Variants in ASMT observed in about 807,000 individuals in gnomAD.
ASMT encodes the protein acetylserotonin N-methyltransferase.
In ASMT, 53 loss-of-function variants were observed where a neutral mutation model predicts 41.3. That is an observed-to-expected ratio of 1.28 (90% CI 1.03 to 1.61). The LOEUF is 1.61. ASMT is among the 40% of genes most tolerant of loss of function. The probability of loss-of-function intolerance (pLI) is 0.00; values close to 1 mark genes in which losing one functional copy is unlikely to be tolerated. For missense variants in ASMT, 531 were observed against 441.3 expected (o/e 1.20, Z -1.82); for synonymous variants, 231 against 184.8 (o/e 1.25, Z -2.03).
chrX:1,631,101 AGACGGG>A (rs1484362285), intron 5 of ASMT, among the ~76,000 whole-genome samples: 1 of 150,082 alleles, frequency 6.7e-6, no homozygotes, highest in Non-Finnish European at 1.5e-5. Flanking sequence ...TTTTTAGTAG[AGACGGG>A]GTTTCTCCGT....
At chrX:1,618,578 G>A (rs1934222397) in intron 1 of ASMT, among the ~76,000 whole-genome samples, 1 of 151,134 alleles carries the variant, frequency 6.6e-6, no homozygotes, top group Non-Finnish European at 1.5e-5. Context: ...AGGATGACGG[G>A]CGTGAGCCAC....
chrX:1,627,655 A>AAATGAAAT, intron 3 of ASMT, 48 bp from the exon 4 acceptor site: 1 of 1,388,054 alleles, frequency 7.2e-7, no homozygotes, highest in Non-Finnish European at 1.0e-6. Flanking sequence ...AAATGAAATG[A>AAATGAAAT]AATGAAATGA....
chrX:1,634,661 C>CG (rs1169472157), intron 7 of ASMT, among the ~76,000 whole-genome samples: 33 of 150,590 alleles, frequency 2.2e-4, no homozygotes, highest in African/African-American at 8.0e-4. Flanking sequence ...TAACCCCCCC[C>CG]CTTTTTTTTT....
rs112830816 is a variant in ASMT at position 1,628,037 on chromosome X, C to T, written c.443+266C>T. Reference sequence around the variant, plus strand: ...AGTGTTTATGTAGAAAATGGAGGCACGCGCCGGGCGCGGTGGCTCACGCCT... The same window carrying T: ...AGTGTTTATGTAGAAAATGGAGGCATGCGCCGGGCGCGGTGGCTCACGCCT... On this transcript the variant is annotated intron_variant, in intron 4 of 8. Transcript: ENST00000381241. 1.6e-3 allele frequency: 858 copies of T among 542,754 alleles called. 3 individuals are homozygous for T. The highest frequency in any genetic ancestry group is 0.014 in the African/African-American group (716 of 52,904). The allele number at this position is 542,754 out of a possible 1,614,324, so 33.6% of individuals were successfully genotyped here.
intron 5 of ASMT, among the ~76,000 whole-genome samples, chrX:1,631,440 C>T (rs1396754410): frequency 5.9e-5 from 9 of 151,998 alleles, no homozygotes; most frequent in African/African-American, 1.7e-4. Flanking sequence ...CACTCCAGGC[C>T]GTGATCCACC....
chrX:1,636,182 C>G (rs1490759358), intron 7 of ASMT: 3 of 524,298 alleles, frequency 5.7e-6, no homozygotes, highest in Non-Finnish European at 1.1e-5. Flanking sequence ...TGGTCTTGAT[C>G]TCCTGACCTC....
In ASMT at chrX:1,642,943, T is replaced by C; in HGVS notation, c.1051T>C (p.Ser351Pro). Reference protein sequence around the residue: ...TPTHYHMLLSSAGFRDFQFKK... With the variant: ...TPTHYHMLLSPAGFRDFQFKK... ...CACCCACTACCACATGCTCCTCTCT[T>C]CTGCTGGCTTCAGAGACTTCCAGTT... Residue 351 changes from serine to proline, a missense_variant, in exon 9 of 9, where the codon TCT becomes CCT. Ser to Pro is a moderately conservative substitution (Grantham distance 74). Transcript: ENST00000381241. 6.2e-7 allele frequency: 1 copy of C among 1,613,990 alleles called. No individual in the cohort carries two copies. The highest frequency in any genetic ancestry group is 1.1e-5 in the South Asian group (1 of 91,068).
chrX:1,619,194 G>T (rs1490095193), intron 1 of ASMT, among the ~76,000 whole-genome samples: 1 of 151,984 alleles, frequency 6.6e-6, no homozygotes, highest in South Asian at 2.1e-4. Flanking sequence ...AGGAGTTCGA[G>T]ACCAGCCTGG....
chrX:1,615,733 C>T (rs61123299), intron 1 of ASMT, among the ~76,000 whole-genome samples: 10,082 of 151,156 alleles, frequency 0.067, 482 homozygotes, highest in African/African-American at 0.13. Context: ...ACCTGGGAGG[C>T]GGAGGTTGCA....
intron 5 of ASMT, among the ~76,000 whole-genome samples, chrX:1,630,896 T>TTTAC (rs1257884371): frequency 4.8e-5 from 7 of 145,740 alleles, no homozygotes; most frequent in African/African-American, 1.0e-4. Context: ...TATTTATTTA[T>TTTAC]TTACTTGTAT....
At chrX:1,634,927 A>G (rs1234262433) in intron 7 of ASMT, among the ~76,000 whole-genome samples, 2 of 149,840 alleles carry the variant, frequency 1.3e-5, no homozygotes, top group Non-Finnish European at 3.0e-5. Context: ...GGCCTCCCAA[A>G]GTGCTGGGGA....
chrX:1,631,039 T>C lies in ASMT; in HGVS notation c.562+1100T>C, dbSNP rs1934756039. ...CATTCTCCTGCCTCAGCCTCCTGAG[T>C]AGCTGGGACTACAGGCGCCCGCCAC... On this transcript the variant is annotated intron_variant, in intron 5 of 8. Coordinates refer to ENST00000381241, the MANE Select transcript of ASMT (RefSeq NM_001171038.2). Among the ~76,000 whole-genome samples, 3 of 147,952 alleles carry C rather than the reference T, an allele frequency of 2.0e-5. No homozygotes were observed. In the Admixed American group the frequency reaches 2.0e-4, roughly 10 times the overall value.
chrX:1,635,241 C>T (rs1934918761), intron 7 of ASMT, among the ~76,000 whole-genome samples: 1 of 151,092 alleles, frequency 6.6e-6, no homozygotes, highest in Non-Finnish European at 1.5e-5. Flanking sequence ...CGCTCAGACT[C>T]CCAAAGTGCT....
chrX:1,628,475 G>A (rs1934641826), intron 4 of ASMT, among the ~76,000 whole-genome samples: 1 of 152,112 alleles, frequency 6.6e-6, no homozygotes, highest in Non-Finnish European at 1.5e-5. Context: ...CCCAGATGGA[G>A]GTGAATTGAT....
In ASMT at chrX:1,624,252, T is replaced by A. The variant is rs5989834; in HGVS notation, c.245-17T>A. 1.6e-3 allele frequency: 2,590 copies of A among 1,613,778 alleles called. 32 individuals carry two copies. In the African/African-American group the frequency reaches 0.03, roughly 19 times the overall value. ...GAATCTCACTGCTTTTTCCCTGTTT[T>A]TTTGTGTGTGTTTCAGCTTTCTATC... is the stretch of plus-strand genomic sequence containing the variant. On this transcript the variant is annotated splice_polypyrimidine_tract_variant and intron_variant, in intron 2 of 8. Coordinates refer to ENST00000381241, the MANE Select transcript of ASMT (RefSeq NM_001171038.2).
rs767931039 is a variant in ASMT at position 1,624,275 on chromosome X, A to G, written c.251A>G (p.Tyr84Cys). ...KVETRGGKAF[Y>C]RNTELSSDYL... ...TTTTTTGTGTGTGTTTCAGCTTTCT[A>G]TCGAAACACAGAGCTGTCCAGCGAC... The change falls in exon 3 of 9, where the codon TAT (tyrosine) becomes TGT (cysteine). Residue 84 changes from tyrosine (Y) to cysteine (C), a missense_variant. Coordinates refer to ENST00000381241, the MANE Select transcript of ASMT (RefSeq NM_001171038.2). 4 of 1,613,890 alleles carry G rather than the reference A, an allele frequency of 2.5e-6. No homozygotes were observed. Among genetic ancestry groups the G allele is most frequent in the South Asian group, 1.1e-5 (1 of 91,080 alleles).
chrX:1,636,024 C>G (rs111318906), intron 7 of ASMT, among the ~76,000 whole-genome samples: 217 of 148,258 alleles, frequency 1.5e-3, no homozygotes, highest in Admixed American at 2.3e-3. Context: ...GGTGCAATCT[C>G]GGCTCACTGC....
chrX:1,622,054 G>A (rs1934354398), intron 1 of ASMT, among the ~76,000 whole-genome samples: 1 of 146,076 alleles, frequency 6.8e-6, no homozygotes, highest in Non-Finnish European at 1.5e-5. Flanking sequence ...GTGCAGTGAT[G>A]CGATCTTGGC....
intron 1 of ASMT, among the ~76,000 whole-genome samples, chrX:1,620,703 A>G (rs1266460961): frequency 2.6e-5 from 4 of 152,038 alleles, no homozygotes; most frequent in African/African-American, 4.8e-5. Context: ...GATCGAGACC[A>G]TGGTGAAACC....
Sources: gnomAD v4.1 joint callset for allele counts (sites outside exome capture counted in the v4.1 genomes callset) on GRCh38, gnomAD v4.1.1 for gene constraint, MANE v1.5 for transcripts, NCBI Gene and HGNC (gene_info 2026-07-23, HGNC 2026-07-21) for gene names.